Variants in CTIF observed in about 807,000 individuals in gnomAD.
CTIF encodes the protein CBP80/20-dependent translation initiation factor.
A neutral mutation model predicts 66.0 loss-of-function variants in CTIF; 21 were observed. The ratio of observed to expected loss-of-function variants is 0.32; its 90% CI spans 0.23 to 0.46. The LOEUF (loss-of-function observed/expected upper bound fraction) is 0.46, where lower values mean the gene tolerates loss of function less well. Ranked by LOEUF, CTIF falls within the 20% of genes least tolerant of loss-of-function variation. The pLI, the probability that CTIF is intolerant of heterozygous loss-of-function variation, is 1.00. For synonymous variants in CTIF, 345 were observed against 326.4 expected (o/e 1.06, Z -0.62); for missense variants, 739 against 812.7 (o/e 0.91, Z 1.10).
chr18:48,805,628 CTGTA>C (rs2068131069), intron 9 of CTIF, among the ~76,000 whole-genome samples: 1 of 152,242 alleles, frequency 6.6e-6, no homozygotes, highest in South Asian at 2.1e-4. Flanking sequence ...AGAAACATCA[CTGTA>C]TGGCAAAAAT....
intron 6 of CTIF, among the ~76,000 whole-genome samples, chr18:48,677,088 C>T (rs1016595160): frequency 5.9e-5 from 9 of 152,172 alleles, no homozygotes; most frequent in African/African-American, 1.7e-4. Flanking sequence ...GAAGGAGTAA[C>T]TTTATTGTTC....
At chr18:48,687,905 C>T (rs1229220622) in intron 6 of CTIF, among the ~76,000 whole-genome samples, 1 of 152,192 alleles carries the variant, frequency 6.6e-6, no homozygotes, top group African/African-American at 2.4e-5. Flanking sequence ...CCCAGAAGGT[C>T]TCATATAAAG....
At chr18:48,614,621 G>A (rs906205301) in intron 1 of CTIF, among the ~76,000 whole-genome samples, 9 of 152,140 alleles carry the variant, frequency 5.9e-5, no homozygotes, top group South Asian at 2.1e-4. Context: ...GGTTGTAAAA[G>A]GACAAATATT....
chr18:48,820,624 A>G (rs532124366), intron 10 of CTIF, among the ~76,000 whole-genome samples: 5 of 152,132 alleles, frequency 3.3e-5, no homozygotes, highest in Non-Finnish European at 7.4e-5. Context: ...GCTCTCATGC[A>G]GGCCCCCACC....
At chr18:48,635,327 CTTTTT>C (rs561455888) in intron 2 of CTIF, among the ~76,000 whole-genome samples, 3 of 113,374 alleles carry the variant, frequency 2.6e-5, no homozygotes, top group African/African-American at 6.6e-5. Flanking sequence ...CTTTTTCTTT[CTTTTT>C]TTTTTTTTTT....
At chr18:48,776,881 A>G (rs1268368684) in intron 9 of CTIF, among the ~76,000 whole-genome samples, 1 of 152,238 alleles carries the variant, frequency 6.6e-6, no homozygotes, top group African/African-American at 2.4e-5. Flanking sequence ...TCTGGGCTGC[A>G]GGAGATCCGG....
At chr18:48,591,027 C>T (rs2089875690) in intron 1 of CTIF, among the ~76,000 whole-genome samples, 1 of 152,188 alleles carries the variant, frequency 6.6e-6, no homozygotes. Context: ...CCCCTGGGAC[C>T]TGCTCTCTCA....
At chr18:48,652,296 G>C (rs2091170360) in intron 3 of CTIF, among the ~76,000 whole-genome samples, 1 of 152,186 alleles carries the variant, frequency 6.6e-6, no homozygotes, top group South Asian at 2.1e-4. Context: ...AAATGATAAA[G>C]GGGATATCAC....
At chr18:48,733,469 G>T (rs1437685282) in intron 7 of CTIF, among the ~76,000 whole-genome samples, 2 of 152,150 alleles carry the variant, frequency 1.3e-5, no homozygotes, top group Non-Finnish European at 2.9e-5. Flanking sequence ...GGTCAGGAGT[G>T]GGGTGCTCTC....
At chr18:48,734,580 A>G (rs2092483532) in intron 7 of CTIF, among the ~76,000 whole-genome samples, 1 of 152,224 alleles carries the variant, frequency 6.6e-6, no homozygotes, top group Non-Finnish European at 1.5e-5. Flanking sequence ...AAAAAATAAA[A>G]TAAAATTATT....
chr18:48,568,633 T>TAAAAAAAAAAA lies in CTIF; in HGVS notation c.-29+29346_-29+29356dup, dbSNP rs58084631. Among the ~76,000 whole-genome samples, 79 of 36,640 alleles carry TAAAAAAAAAAA rather than the reference T, an allele frequency of 2.2e-3. 16 individuals carry two copies. Among genetic ancestry groups the TAAAAAAAAAAA allele is most frequent in the East Asian group, 6.0e-3 (7 of 1,174 alleles). The allele number at this position is 36,640 out of a possible 152,430, so 24.0% of individuals were successfully genotyped here. ...GAAATACCTGAGACTGGGCAATTTG[T>TAAAAAAAAAAA]AAAAAAAAAAAAAAAAAAAAAAAAA... On this transcript the variant is annotated intron_variant, in intron 1 of 11. Coordinates refer to ENST00000256413, the MANE Select transcript of CTIF (RefSeq NM_014772.3).
chr18:48,635,364 C>A (rs1474787327), intron 2 of CTIF, among the ~76,000 whole-genome samples: 20 of 148,644 alleles, frequency 1.3e-4, no homozygotes, highest in Non-Finnish European at 2.5e-4. Context: ...ACTCTGTCAC[C>A]CAAGAGCATT....
intron 1 of CTIF, among the ~76,000 whole-genome samples, chr18:48,586,359 C>T (rs1177061026): frequency 2.0e-5 from 3 of 151,812 alleles, no homozygotes; most frequent in African/African-American, 7.3e-5. Flanking sequence ...TCACCACAAC[C>T]TCCTTGATTC....
intron 3 of CTIF, among the ~76,000 whole-genome samples, chr18:48,646,891 T>C (rs2091042953): frequency 7.7e-6 from 1 of 130,378 alleles, no homozygotes; most frequent in Admixed American, 8.8e-5. Context: ...GGAAAACAGT[T>C]TGGCAGTTTC....
intron 7 of CTIF, among the ~76,000 whole-genome samples, chr18:48,722,319 G>C (rs1288734475): frequency 6.7e-6 from 1 of 149,950 alleles, no homozygotes; most frequent in African/African-American, 2.5e-5. Context: ...GGGCTCAAGT[G>C]ATCCTCCCAC....
intron 7 of CTIF, among the ~76,000 whole-genome samples, chr18:48,745,683 G>A (rs573104163): frequency 1.7e-3 from 252 of 152,280 alleles, no homozygotes; most frequent in Non-Finnish European, 2.7e-3. Flanking sequence ...CAGAATACAC[G>A]GGCTGTCTCC....
chr18:48,713,514 G>A (rs1421773450), intron 7 of CTIF, among the ~76,000 whole-genome samples: 1 of 152,124 alleles, frequency 6.6e-6, no homozygotes, highest in Admixed American at 6.5e-5. Context: ...GGGAAGCCGA[G>A]CTTCCGCTGA....
At chr18:48,587,714 G>T (rs146867537) in intron 1 of CTIF, among the ~76,000 whole-genome samples, 2 of 152,144 alleles carry the variant, frequency 1.3e-5, no homozygotes, top group South Asian at 2.1e-4. Flanking sequence ...CTGCAAGTTC[G>T]AGTTTTAGCT....
At chr18:48,773,746 G>C (rs1289926405) in intron 9 of CTIF, among the ~76,000 whole-genome samples, 2 of 151,760 alleles carry the variant, frequency 1.3e-5, no homozygotes, top group Admixed American at 6.6e-5. Flanking sequence ...CCCCGGCCCT[G>C]GTGCCCCTCA....
Sources: allele counts gnomAD v4.1 joint callset (sites outside exome capture counted in the v4.1 genomes callset), GRCh38; gene constraint gnomAD v4.1.1; transcripts MANE v1.5; gene names NCBI Gene and HGNC (gene_info 2026-07-23, HGNC 2026-07-21).